The following ATP13A4 variants were observed in gnomAD, a reference collection of about 807,000 sequenced individuals.
The protein encoded by ATP13A4 is ATPase 13A4, also known as probable cation-transporting ATPase 13A4.
ATP13A4 carries 114 observed loss-of-function variants against 142.5 expected under a neutral mutation model. The observed-to-expected ratio is 0.80, with a 90% CI of 0.69 to 0.93. The LOEUF (loss-of-function observed/expected upper bound fraction) is 0.93, where lower values mean the gene tolerates loss of function less well. Among genes scored for constraint, ATP13A4 ranks in the 40% least tolerant of loss-of-function variants. ATP13A4 has a pLI of 0.00. For missense variants in ATP13A4, 1,392 were observed against 1,454.0 expected (o/e 0.96, Z 0.69); for synonymous variants, 488 against 514.8 (o/e 0.95, Z 0.70).
chr3:193,544,006 C>T lies in ATP13A4; in HGVS notation c.60+10734G>A, dbSNP rs116799674. 5.6e-3 allele frequency among the ~76,000 whole-genome samples: 852 copies of T among 152,244 alleles called. 15 individuals carry two copies. The highest frequency in any genetic ancestry group is 0.02 in the African/African-American group (811 of 41,554). On this transcript the variant is annotated intron_variant, in intron 1 of 29. Transcript: ENST00000342695. Reference sequence around the variant, plus strand: ...TTCTTCCCAAGCATCAGTTGGTGTTCATCAGACAGACTGGGGGCAGAGGAG... The same window carrying T: ...TTCTTCCCAAGCATCAGTTGGTGTTTATCAGACAGACTGGGGGCAGAGGAG...
chr3:193,514,945 G>A lies in ATP13A4; in HGVS notation c.61-74C>T. On this transcript the variant is annotated intron_variant, in intron 1 of 29. Coordinates refer to ENST00000342695, the MANE Select transcript of ATP13A4 (RefSeq NM_032279.4). ...AATAAATGAACAAATACTGATTTTA[G>A]TGATGGAAATGGGGGCAGAGTGAAG... is the stretch of plus-strand genomic sequence containing the variant. The A allele has an allele frequency of 4.6e-6, 7 of 1,531,916 alleles. No individual in the cohort carries two copies. The South Asian group carries it at 5.7e-5, about 13-fold the overall frequency. 94.9% of individuals were successfully genotyped at this position (1,531,916 alleles called of 1,614,324 possible).
intron 2 of ATP13A4, among the ~76,000 whole-genome samples, chr3:193,574,141 A>G (rs1360697201): frequency 6.6e-6 from 1 of 152,154 alleles, no homozygotes; most frequent in East Asian, 1.9e-4. Flanking sequence ...CTAATTTTCC[A>G]TATTTTCCAA....
chr3:193,429,821 T>C (rs902530922), intron 25 of ATP13A4, among the ~76,000 whole-genome samples: 3 of 151,984 alleles, frequency 2.0e-5, no homozygotes, highest in Non-Finnish European at 2.9e-5. Context: ...GAAAATAAGA[T>C]GCACTATATA....
intron 17 of ATP13A4, among the ~76,000 whole-genome samples, chr3:193,449,672 C>T (rs11916921): frequency 0.091 from 13,895 of 152,242 alleles, 1,075 homozygotes; most frequent in African/African-American, 0.18. Flanking sequence ...TTTCTGTCTA[C>T]TTAACCATCT....
intron 1 of ATP13A4, among the ~76,000 whole-genome samples, chr3:193,518,238 T>G (rs944229025): frequency 1.3e-5 from 2 of 152,232 alleles, no homozygotes; most frequent in African/African-American, 4.8e-5. Context: ...TGAGATGTAC[T>G]GTGGTGTGTC....
At chr3:193,452,627 A>G (rs954912219) in intron 17 of ATP13A4, among the ~76,000 whole-genome samples, 2 of 150,174 alleles carry the variant, frequency 1.3e-5, no homozygotes, top group African/African-American at 4.9e-5. Flanking sequence ...CCAATGCACA[A>G]TGAATAATTA....
At chr3:193,565,380 T>C (rs574424778) in intron 2 of ATP13A4, among the ~76,000 whole-genome samples, 1 of 152,302 alleles carries the variant, frequency 6.6e-6, no homozygotes, top group South Asian at 2.1e-4. Flanking sequence ...TGGGGTACTT[T>C]TTCTTTGGTG....
intron 17 of ATP13A4, among the ~76,000 whole-genome samples, chr3:193,451,069 C>G (rs1717247526): frequency 6.6e-6 from 1 of 152,172 alleles, no homozygotes; most frequent in Admixed American, 6.5e-5. Context: ...ACTCTCTCCC[C>G]TGTAGGTGAG....
intron 3 of ATP13A4, among the ~76,000 whole-genome samples, chr3:193,497,055 C>T (rs1442531840): frequency 4.6e-5 from 7 of 151,922 alleles, no homozygotes; most frequent in Admixed American, 3.9e-4. Context: ...TACCCCAAAA[C>T]AAAAATAGGC....
At chr3:193,563,691 C>T (rs543105063) in intron 2 of ATP13A4, among the ~76,000 whole-genome samples, 6 of 152,230 alleles carry the variant, frequency 3.9e-5, no homozygotes, top group South Asian at 2.1e-4. Flanking sequence ...TGTAAACCAC[C>T]GAATATATAC....
At chr3:193,470,734 C>T in intron 9 of ATP13A4, 125 bp downstream of exon 9, 1 of 1,383,448 alleles carries the variant, frequency 7.2e-7, no homozygotes, top group Non-Finnish European at 1.0e-6. Flanking sequence ...CGGGAAGGTC[C>T]CATAGCAGCC....
intron 7 of ATP13A4, among the ~76,000 whole-genome samples, chr3:193,484,318 T>TAAAA (rs1390591340): frequency 6.8e-6 from 1 of 146,274 alleles, no homozygotes; most frequent in African/African-American, 2.5e-5. Flanking sequence ...TCAAAATAAA[T>TAAAA]AAATAAATAA....
intron 25 of ATP13A4, among the ~76,000 whole-genome samples, chr3:193,417,852 G>A (rs1449859868): frequency 6.7e-6 from 1 of 149,004 alleles, no homozygotes; most frequent in Non-Finnish European, 1.5e-5. Context: ...GCCGGGCGCG[G>A]TGGCTCACGC....
chr3:193,446,201 A>T (rs1044154282), intron 18 of ATP13A4, among the ~76,000 whole-genome samples: 14 of 152,158 alleles, frequency 9.2e-5, no homozygotes, highest in Non-Finnish European at 1.9e-4. Flanking sequence ...AAATAAGACA[A>T]CTACAAGAAA....
intron 2 of ATP13A4, among the ~76,000 whole-genome samples, chr3:193,563,247 T>C (rs1301054934): frequency 6.6e-6 from 1 of 152,206 alleles, no homozygotes; most frequent in Non-Finnish European, 1.5e-5. Flanking sequence ...ACTGAAGGAT[T>C]GCTTGAAGAG....
At chr3:193,548,017 T>C (rs1461560173) in intron 1 of ATP13A4, among the ~76,000 whole-genome samples, 2 of 152,154 alleles carry the variant, frequency 1.3e-5, no homozygotes, top group African/African-American at 4.8e-5. Context: ...CTTGTTGGGT[T>C]TATACATGAA....
At chr3:193,405,009 C>T (rs1044867715) in intron 29 of ATP13A4, among the ~76,000 whole-genome samples, 1 of 152,142 alleles carries the variant, frequency 6.6e-6, no homozygotes, top group Admixed American at 6.5e-5. Flanking sequence ...GCTGGAGGTT[C>T]GATCATGAGC....
At chr3:193,586,383 C>CCGTGA (rs1407316182) in intron 1 of ATP13A4, among the ~76,000 whole-genome samples, 2 of 152,146 alleles carry the variant, frequency 1.3e-5, no homozygotes, top group East Asian at 3.9e-4. Context: ...GTGTTACCTT[C>CCGTGA]CGTGACGTAA....
chr3:193,458,273 T>C (rs992092142), intron 14 of ATP13A4, among the ~76,000 whole-genome samples: 1 of 152,236 alleles, frequency 6.6e-6, no homozygotes. Flanking sequence ...GGTCCCTTAG[T>C]CCTCATCTTT....
Sources: gnomAD v4.1 joint callset for allele counts (sites outside exome capture counted in the v4.1 genomes callset) on GRCh38, gnomAD v4.1.1 for gene constraint, MANE v1.5 for transcripts, NCBI Gene and HGNC (gene_info 2026-07-23, HGNC 2026-07-21) for gene names.